Variants in TSHR observed in about 807,000 individuals in gnomAD.
The protein encoded by TSHR is thyrotropin receptor.
Under a neutral mutation model 64.1 loss-of-function variants are expected in TSHR, and 51 were observed. The observed-to-expected ratio is 0.80, with a 90% confidence interval of 0.64 to 1.01. The LOEUF is 1.01. Ranked by LOEUF, TSHR falls within the 50% of genes least tolerant of loss-of-function variation. TSHR has a pLI of 0.00. For synonymous variants in TSHR, 361 were observed against 361.9 expected (o/e 1.00, Z 0.03); for missense variants, 877 against 942.8 (o/e 0.93, Z 0.91).
chr14:80,973,653 C>T (rs1456039725), intron 1 of TSHR, among the ~76,000 whole-genome samples: 2 of 152,072 alleles, frequency 1.3e-5, no homozygotes, highest in African/African-American at 4.8e-5. Flanking sequence ...CTTTTAGAGT[C>T]AATATTCATG....
intron 1 of TSHR, chr14:80,982,303 G>A: frequency 2.1e-6 from 2 of 968,454 alleles, no homozygotes; most frequent in Non-Finnish European, 3.0e-6. Flanking sequence ...AAATGGGGCT[G>A]GTATTGATGC....
chr14:80,962,870 T>A (rs2139689372), intron 1 of TSHR, among the ~76,000 whole-genome samples: 1 of 152,280 alleles, frequency 6.6e-6, no homozygotes, highest in East Asian at 1.9e-4. Flanking sequence ...GTAAAATAAT[T>A]CCCATAGAAT....
chr14:81,116,590 T>C (rs1008089763), intron 8 of TSHR, among the ~76,000 whole-genome samples: 42 of 145,076 alleles, frequency 2.9e-4, no homozygotes, highest in Admixed American at 9.4e-4. Flanking sequence ...TGGGAGACTT[T>C]AACACCCCAA....
intron 1 of TSHR, among the ~76,000 whole-genome samples, chr14:81,022,080 G>A (rs1883787005): frequency 7.0e-6 from 1 of 143,080 alleles, no homozygotes; most frequent in Non-Finnish European, 1.5e-5. Context: ...GGCTAACATG[G>A]TGAAACCCCG....
chr14:81,113,471 T>C (rs1890322426), intron 8 of TSHR, among the ~76,000 whole-genome samples: 1 of 152,152 alleles, frequency 6.6e-6, no homozygotes, highest in Non-Finnish European at 1.5e-5. Context: ...TTGAGACTCT[T>C]TGGAATGTAG....
intron 3 of TSHR, among the ~76,000 whole-genome samples, chr14:81,074,139 A>G (rs1887318750): frequency 6.6e-6 from 1 of 152,202 alleles, no homozygotes; most frequent in South Asian, 2.1e-4. Context: ...ACTATTAAAT[A>G]CAGTAATTAA....
intron 3 of TSHR, among the ~76,000 whole-genome samples, chr14:81,068,956 A>T (rs539412121): frequency 4.7e-4 from 71 of 152,320 alleles, no homozygotes; most frequent in African/African-American, 1.7e-3. Flanking sequence ...AAATAGAATA[A>T]TTTTTCTATT....
chr14:81,030,731 A>G (rs955408462), intron 1 of TSHR, among the ~76,000 whole-genome samples: 9 of 152,156 alleles, frequency 5.9e-5, no homozygotes, highest in African/African-American at 1.9e-4. Flanking sequence ...AGTCTTTTTC[A>G]TTCAAACTGG....
intron 1 of TSHR, among the ~76,000 whole-genome samples, chr14:81,054,749 C>A (rs913267592): frequency 6.6e-6 from 1 of 152,016 alleles, no homozygotes; most frequent in African/African-American, 2.4e-5. Flanking sequence ...CTCTATATAT[C>A]TGGTGGAAGA....
rs1991517 is a variant in TSHR at position 81,144,239 on chromosome 14, G to C, written c.2181G>C (p.Glu727Asp). The change falls in exon 10 of 10, where the codon GAG (glutamate) becomes GAC (aspartate). Residue 727 changes from glutamate to aspartate, a missense_variant. Physicochemically the swap from Glu to Asp is conservative, Grantham distance 45. Transcript: ENST00000298171. ...TTCAGGTTCAAAAGGTTACCCACGA[G>C]ATGAGGCAGGGTCTCCACAACATGG... ...TDIQVQKVTH[E>D]MRQGLHNMED... The C allele has an allele frequency of 0.91, 1,469,734 of 1,613,402 alleles. 669,969 individuals carry two copies. The highest frequency in any genetic ancestry group is 0.94 in the African/African-American group (70,335 of 74,956).
chr14:81,069,714 G>C (rs1008237415), intron 3 of TSHR, among the ~76,000 whole-genome samples: 10 of 152,134 alleles, frequency 6.6e-5, no homozygotes, highest in Admixed American at 6.6e-4. Flanking sequence ...CATCCTAGAA[G>C]TATGGGAAAA....
Position 81,087,770 on chromosome 14 carries a change from G to A in TSHR, c.318-184G>A, listed in dbSNP as rs75090910. On this transcript the variant is annotated intron_variant, in intron 3 of 9. Transcript: ENST00000298171. ...AGAGCTGAGCAGCCATTGGGTCCCC[G>A]TGAGGAGACAGGAGTAGTTTGTCAT... 1.5e-3 allele frequency: 1,017 copies of A among 667,714 alleles called. 7 individuals carry two copies. In the East Asian group the frequency reaches 0.02, roughly 13 times the overall value. 41.4% of individuals were successfully genotyped at this position (667,714 alleles called of 1,614,324 possible).
intron 1 of TSHR, chr14:81,013,237 AG>A (rs1316925662): frequency 6.6e-6 from 1 of 152,182 alleles, no homozygotes; most frequent in Non-Finnish European, 1.5e-5. Flanking sequence ...GGTTTGTCAA[AG>A]ATCAGATAGT....
At chr14:80,966,140 G>A (rs769722785) in intron 1 of TSHR, among the ~76,000 whole-genome samples, 2 of 152,198 alleles carry the variant, frequency 1.3e-5, no homozygotes, top group East Asian at 3.8e-4. Flanking sequence ...CAACTCCAGC[G>A]AGGAGACTGA....
chr14:81,088,325 G>A (rs575336718), intron 4 of TSHR, among the ~76,000 whole-genome samples: 2 of 152,258 alleles, frequency 1.3e-5, no homozygotes, highest in South Asian at 2.1e-4. Flanking sequence ...AAAATTCTGA[G>A]AGCCAGTTGG....
At chr14:81,012,075 T>A (rs1889940814) in intron 1 of TSHR, 1 of 151,712 alleles carries the variant, frequency 6.6e-6, no homozygotes, top group South Asian at 2.1e-4. Context: ...TATCTCCCAA[T>A]GCTATCCCTC....
intron 1 of TSHR, among the ~76,000 whole-genome samples, chr14:80,989,237 C>CT (rs1401414176): frequency 1.3e-5 from 2 of 152,324 alleles, no homozygotes; most frequent in East Asian, 3.9e-4. Flanking sequence ...ACTAGCTTCA[C>CT]TTGTGGTTAC....
chr14:80,971,115 T>C (rs1887570007), intron 1 of TSHR, among the ~76,000 whole-genome samples: 1 of 152,104 alleles, frequency 6.6e-6, no homozygotes, highest in Non-Finnish European at 1.5e-5. Flanking sequence ...TGAGCCACCA[T>C]ACCTGGCCAG....
chr14:81,013,778 A>T (rs1169289655), intron 1 of TSHR: 1 of 152,128 alleles, frequency 6.6e-6, no homozygotes, highest in Admixed American at 6.5e-5. Context: ...CCAAGGAGGG[A>T]TATTTACTCT....
Sources: allele counts gnomAD v4.1 joint callset (sites outside exome capture counted in the v4.1 genomes callset), GRCh38; gene constraint gnomAD v4.1.1; transcripts MANE v1.5; gene names NCBI Gene and HGNC (gene_info 2026-07-23, HGNC 2026-07-21).